SCHIP1: variants seen among roughly 807,000 people sequenced by gnomAD.
SCHIP1 encodes schwannomin interacting protein 1.
A neutral mutation model predicts 29.7 loss-of-function variants in SCHIP1; 8 were observed. That is an observed-to-expected ratio of 0.27 (90% CI 0.16 to 0.49). The LOEUF is 0.49. Among genes scored for constraint, SCHIP1 ranks in the 20% least tolerant of loss-of-function variants. The probability of loss-of-function intolerance (pLI) is 0.99; values close to 1 mark genes in which losing one functional copy is unlikely to be tolerated. For missense variants in SCHIP1, 193 were observed against 294.6 expected (o/e 0.66, Z 2.52); for synonymous variants, 76 against 94.9 (o/e 0.80, Z 1.16).
chr3:159,451,315 T>C, the SCHIP1 span, among the ~76,000 whole-genome samples: 6 of 152,354 alleles, frequency 3.9e-5, no homozygotes, highest in Admixed American at 6.5e-5. Context: ...TCTATGCCAG[T>C]GGGCAAGAGT....
the SCHIP1 span, among the ~76,000 whole-genome samples, chr3:159,546,867 T>C: frequency 6.8e-6 from 1 of 146,250 alleles, no homozygotes; most frequent in East Asian, 2.1e-4. Flanking sequence ...TTGTAAACAG[T>C]GCTGCAATAA....
the SCHIP1 span, among the ~76,000 whole-genome samples, chr3:159,617,827 T>A: frequency 6.6e-6 from 1 of 152,236 alleles, no homozygotes; most frequent in Non-Finnish European, 1.5e-5. Flanking sequence ...TTCCCATTGA[T>A]CTGTCTACTT....
the SCHIP1 span, among the ~76,000 whole-genome samples, chr3:159,686,409 C>T: frequency 6.6e-6 from 1 of 152,126 alleles, no homozygotes. Flanking sequence ...TGAGAATCCT[C>T]AGAAATATGT....
chr3:159,320,236 G>T, the SCHIP1 span, among the ~76,000 whole-genome samples: 1 of 152,074 alleles, frequency 6.6e-6, no homozygotes, highest in Admixed American at 6.5e-5. Context: ...AATTATAACT[G>T]ATAGAGACTG....
At chr3:159,627,532 C>A in the SCHIP1 span, among the ~76,000 whole-genome samples, 1 of 152,100 alleles carries the variant, frequency 6.6e-6, no homozygotes, top group Non-Finnish European at 1.5e-5. Flanking sequence ...AAAATAATTG[C>A]CCAAGAGCTA....
At chr3:159,717,439 G>T in the SCHIP1 span, among the ~76,000 whole-genome samples, 7 of 152,144 alleles carry the variant, frequency 4.6e-5, no homozygotes, top group Non-Finnish European at 1.0e-4. Flanking sequence ...ATGAATCCAG[G>T]AGCTGGTTTT....
At chr3:159,696,779 G>A in the SCHIP1 span, among the ~76,000 whole-genome samples, 1 of 152,180 alleles carries the variant, frequency 6.6e-6, no homozygotes. Context: ...CCATCCTTTG[G>A]TTGAGCCTGA....
intron 1 of SCHIP1, among the ~76,000 whole-genome samples, chr3:159,840,838 T>C (rs1744151486): frequency 6.6e-6 from 1 of 152,222 alleles, no homozygotes; most frequent in Admixed American, 6.5e-5. Flanking sequence ...CATATTCATT[T>C]GTATGCTAAT....
chr3:159,851,137 T>C (rs2109101155), intron 1 of SCHIP1, among the ~76,000 whole-genome samples: 1 of 152,238 alleles, frequency 6.6e-6, no homozygotes, highest in South Asian at 2.1e-4. Flanking sequence ...TATCCAGGCA[T>C]AGTGGTGCAC....
intron 2 of SCHIP1, among the ~76,000 whole-genome samples, chr3:159,881,102 G>A (rs373236191): frequency 3.9e-5 from 6 of 152,080 alleles, no homozygotes; most frequent in Middle Eastern, 3.2e-3. Context: ...ATTTTATAGC[G>A]ACACCATCAC....
chr3:159,337,252 C>T, the SCHIP1 span, among the ~76,000 whole-genome samples: 2 of 152,006 alleles, frequency 1.3e-5, no homozygotes, highest in Admixed American at 6.6e-5. Flanking sequence ...ACTGAATGGG[C>T]AAAAACTGGA....
At chr3:159,713,316 G>A in the SCHIP1 span, among the ~76,000 whole-genome samples, 1 of 151,958 alleles carries the variant, frequency 6.6e-6, no homozygotes, top group African/African-American at 2.4e-5. Context: ...AAAAGGAAAT[G>A]CATCTTTGAA....
At chr3:159,396,957 G>C in the SCHIP1 span, among the ~76,000 whole-genome samples, 73,103 of 128,822 alleles carry the variant, frequency 0.57, 22,151 homozygotes, top group Non-Finnish European at 0.65. Context: ...TTCAGGTACA[G>C]CAATCAGACG....
chr3:159,329,556 A>G, the SCHIP1 span, among the ~76,000 whole-genome samples: 1 of 152,188 alleles, frequency 6.6e-6, no homozygotes, highest in Middle Eastern at 3.2e-3. Context: ...GATGGGGTTC[A>G]GAGTGAGGGC....
At chr3:159,684,127 C>T in the SCHIP1 span, among the ~76,000 whole-genome samples, 1 of 151,882 alleles carries the variant, frequency 6.6e-6, no homozygotes, top group African/African-American at 2.4e-5. Context: ...AAACCTACAC[C>T]TCCTAATCTA....
chr3:159,601,223 T>A, the SCHIP1 span, among the ~76,000 whole-genome samples: 2 of 152,264 alleles, frequency 1.3e-5, no homozygotes, highest in African/African-American at 4.8e-5. Flanking sequence ...ATGGTGTGGG[T>A]GATAGCAGTA....
chr3:159,341,269 A>T, the SCHIP1 span, among the ~76,000 whole-genome samples: 6 of 151,774 alleles, frequency 4.0e-5, no homozygotes, highest in South Asian at 6.3e-4. Flanking sequence ...ATGTCCTGGA[A>T]GGGTTTCTCT....
the SCHIP1 span, among the ~76,000 whole-genome samples, chr3:159,615,087 C>G: frequency 6.6e-6 from 1 of 152,134 alleles, no homozygotes; most frequent in South Asian, 2.1e-4. Context: ...GGTTAACTCT[C>G]AAAAGAAAAG....
At chr3:159,449,053 C>T in the SCHIP1 span, among the ~76,000 whole-genome samples, 1 of 152,196 alleles carries the variant, frequency 6.6e-6, no homozygotes, top group Non-Finnish European at 1.5e-5. Context: ...AGCTGGATAC[C>T]AGAGATGGCA....
Sources: gnomAD v4.1 joint callset for allele counts (sites outside exome capture counted in the v4.1 genomes callset) on GRCh38, gnomAD v4.1.1 for gene constraint, MANE v1.5 for transcripts, NCBI Gene and HGNC (gene_info 2026-07-23, HGNC 2026-07-21) for gene names.